FHIT: variants seen among roughly 807,000 people sequenced by gnomAD.
The protein encoded by FHIT is fragile histidine triad diadenosine triphosphatase, also known as bis(5'-adenosyl)-triphosphatase.
Under a neutral mutation model 17.9 loss-of-function variants are expected in FHIT, and 19 were observed. That is an observed-to-expected ratio of 1.06 (90% CI 0.74 to 1.56). The LOEUF (loss-of-function observed/expected upper bound fraction) is 1.56, where lower values mean the gene tolerates loss of function less well. FHIT is among the 40% of genes most tolerant of loss of function. The pLI, the probability that FHIT is intolerant of heterozygous loss-of-function variation, is 0.00. For synonymous variants in FHIT, 81 were observed against 69.7 expected (o/e 1.16, Z -0.81); for missense variants, 248 against 189.2 (o/e 1.31, Z -1.82).
chr3:60,181,000 TAC>T (rs1701905839), intron 5 of FHIT, among the ~76,000 whole-genome samples: 2 of 152,140 alleles, frequency 1.3e-5, no homozygotes, highest in South Asian at 2.1e-4. Flanking sequence ...TAGGAAAAAT[TAC>T]AGTCTCTTTA....
chr3:60,570,373 C>T (rs533677044), intron 4 of FHIT, among the ~76,000 whole-genome samples: 66 of 152,138 alleles, frequency 4.3e-4, no homozygotes, highest in African/African-American at 1.4e-3. Context: ...TTTTTTTACT[C>T]GTTGGTAATA....
chr3:60,554,697 G>T (rs1371656191), intron 4 of FHIT, among the ~76,000 whole-genome samples: 1 of 152,086 alleles, frequency 6.6e-6, no homozygotes, highest in East Asian at 1.9e-4. Flanking sequence ...AATACCAAAA[G>T]AAATACCAAA....
chr3:60,550,303 C>T (rs960944468), intron 4 of FHIT, among the ~76,000 whole-genome samples: 4 of 148,980 alleles, frequency 2.7e-5, no homozygotes, highest in African/African-American at 7.5e-5. Context: ...TGTCAAAATT[C>T]CACAGGAGAC....
In FHIT at chr3:59,984,493, T is replaced by C. The variant is rs567393071; in HGVS notation, c.279+26878A>G. Among the ~76,000 whole-genome samples the C allele has an allele frequency of 1.9e-3, 283 of 152,158 alleles. 1 individual carries two copies. The highest frequency in any genetic ancestry group is 6.6e-3 in the African/African-American group (276 of 41,524). ...GAATTTATCCTCAAATTCCCACTGG[T>C]ATTGGCTAAACATTGTTCCTAAAGT... On this transcript the variant is annotated intron_variant, in intron 7 of 9. Transcript: ENST00000492590.
intron 2 of FHIT, among the ~76,000 whole-genome samples, chr3:61,084,008 A>C (rs1268896583): frequency 1.3e-5 from 2 of 152,220 alleles, no homozygotes; most frequent in Non-Finnish European, 2.9e-5. Context: ...CTATCCCAAA[A>C]TCATGAAGAC....
At chr3:60,514,491 C>G (rs937002079) in intron 5 of FHIT, among the ~76,000 whole-genome samples, 1 of 152,072 alleles carries the variant, frequency 6.6e-6, no homozygotes, top group Admixed American at 6.5e-5. Flanking sequence ...TGGGGCCTGT[C>G]GAGGAGGTGG....
At chr3:60,479,889 G>A (rs1248824923) in intron 5 of FHIT, among the ~76,000 whole-genome samples, 1 of 152,162 alleles carries the variant, frequency 6.6e-6, no homozygotes, top group Non-Finnish European at 1.5e-5. Flanking sequence ...TGTCTTCCAT[G>A]AAACCAGTCC....
intron 3 of FHIT, among the ~76,000 whole-genome samples, chr3:61,002,418 A>C (rs749353173): frequency 6.6e-6 from 1 of 152,052 alleles, no homozygotes; most frequent in Non-Finnish European, 1.5e-5. Flanking sequence ...ATGTGCCAAC[A>C]TGCCAGGCCA....
chr3:60,111,075 G>C (rs1704647250), intron 5 of FHIT, among the ~76,000 whole-genome samples: 1 of 152,008 alleles, frequency 6.6e-6, no homozygotes, highest in Non-Finnish European at 1.5e-5. Context: ...GTACACTACA[G>C]AGTGATCTGA....
At chr3:60,855,354 G>C (rs1252626731) in intron 3 of FHIT, among the ~76,000 whole-genome samples, 1 of 152,138 alleles carries the variant, frequency 6.6e-6, no homozygotes, top group Non-Finnish European at 1.5e-5. Context: ...TTGGTAAAAA[G>C]TCATAGTTGC....
At chr3:60,550,154 G>C (rs1413243767) in intron 4 of FHIT, among the ~76,000 whole-genome samples, 2 of 152,162 alleles carry the variant, frequency 1.3e-5, no homozygotes, top group Admixed American at 1.3e-4. Flanking sequence ...TCATCTAACT[G>C]AGGAACAACA....
At chr3:61,159,482 T>C (rs1022046677) in intron 2 of FHIT, among the ~76,000 whole-genome samples, 3 of 152,202 alleles carry the variant, frequency 2.0e-5, no homozygotes, top group African/African-American at 4.8e-5. Flanking sequence ...ACACATGCCA[T>C]GTTTCTTCCT....
chr3:60,482,552 T>C (rs75928668), intron 5 of FHIT, among the ~76,000 whole-genome samples: 32 of 152,170 alleles, frequency 2.1e-4, no homozygotes, highest in South Asian at 1.2e-3. Flanking sequence ...TACATGGAAA[T>C]TGAACAACAT....
rs751075809 is a variant in FHIT, at chr3:59,922,409, A to C, written c.285T>G (p.Val95=). Residue 95 remains valine (V), a synonymous_variant, in exon 8 of 10, where the codon GTT becomes GTG. Coordinates refer to ENST00000492590, the MANE Select transcript of FHIT (RefSeq NM_002012.4). ...CCTTCCTGGGAAGAACATGGACGTGAACGTGCTGAAAATGTACAAGAAAGA... is the reference window on the plus strand; with the variant it reads ...CCTTCCTGGGAAGAACATGGACGTGCACGTGCTGAAAATGTACAAGAAAGA... ...GPEAGQTVKH[V]HVHVLPRKAG... 2.5e-6 allele frequency: 4 copies of C among 1,613,352 alleles called. No homozygotes were observed. The African/African-American group carries it at 5.3e-5, about 22-fold the overall frequency.
chr3:61,081,174 C>T (rs1267793720), intron 2 of FHIT, among the ~76,000 whole-genome samples: 2 of 152,184 alleles, frequency 1.3e-5, no homozygotes, highest in South Asian at 2.1e-4. Flanking sequence ...TCAGATTTCC[C>T]GAAGCATAAT....
chr3:60,856,022 T>C (rs551802842), intron 3 of FHIT, among the ~76,000 whole-genome samples: 2 of 152,178 alleles, frequency 1.3e-5, no homozygotes, highest in South Asian at 2.1e-4. Context: ...AGAAATTAAG[T>C]TGTAATTATG....
At chr3:60,310,955 T>C (rs867522946) in intron 5 of FHIT, among the ~76,000 whole-genome samples, 1 of 152,136 alleles carries the variant, frequency 6.6e-6, no homozygotes, top group Admixed American at 6.5e-5. Context: ...ATTTAGCGCA[T>C]ACTTCTTAAA....
intron 7 of FHIT, among the ~76,000 whole-genome samples, chr3:59,951,661 C>T (rs1707123154): frequency 1.3e-5 from 2 of 152,206 alleles, no homozygotes; most frequent in South Asian, 4.1e-4. Flanking sequence ...TTGCTCACAC[C>T]ATACCTAAGT....
At chr3:59,770,125 A>G (rs1702008547) in intron 8 of FHIT, among the ~76,000 whole-genome samples, 1 of 152,222 alleles carries the variant, frequency 6.6e-6, no homozygotes, top group Non-Finnish European at 1.5e-5. Flanking sequence ...CGAGGGCATG[A>G]TAAGTTCCCA....
Sources: allele counts gnomAD v4.1 joint callset (sites outside exome capture counted in the v4.1 genomes callset), GRCh38; gene constraint gnomAD v4.1.1; transcripts MANE v1.5; gene names NCBI Gene and HGNC (gene_info 2026-07-23, HGNC 2026-07-21).